ZFHX3: variants seen among roughly 807,000 people sequenced by gnomAD.
ZFHX3 encodes the protein zinc finger homeobox protein 3.
ZFHX3 carries 42 observed loss-of-function variants against 279.1 expected under a neutral mutation model. The observed-to-expected ratio is 0.15, with a 90% CI of 0.12 to 0.19. The LOEUF (loss-of-function observed/expected upper bound fraction) is 0.19, where lower values mean the gene tolerates loss of function less well. ZFHX3 is among the 10% of genes least tolerant of loss of function. The probability of loss-of-function intolerance (pLI) is 1.00; values close to 1 mark genes in which losing one functional copy is unlikely to be tolerated. For synonymous variants in ZFHX3, 2,293 were observed against 1,957.8 expected (o/e 1.17, Z -4.52); for missense variants, 4,981 against 4,754.0 (o/e 1.05, Z -1.40).
chr16:73,336,678 A>G (rs2015918857), intron 3 of ZFHX3, among the ~76,000 whole-genome samples: 1 of 152,036 alleles, frequency 6.6e-6, no homozygotes, highest in Non-Finnish European at 1.5e-5. Flanking sequence ...TGCTATGTGA[A>G]TAGTTCCGCG....
chr16:73,142,998 G>T (rs1966851499), intron 6 of ZFHX3, among the ~76,000 whole-genome samples: 1 of 152,158 alleles, frequency 6.6e-6, no homozygotes, highest in Admixed American at 6.5e-5. Flanking sequence ...TTCAGGTGGA[G>T]TTTTAGGTGG....
At chr16:73,330,422 G>C (rs147249354) in intron 3 of ZFHX3, among the ~76,000 whole-genome samples, 1 of 152,302 alleles carries the variant, frequency 6.6e-6, no homozygotes, top group Admixed American at 6.5e-5. Flanking sequence ...TGTGTTAGAG[G>C]ATCATGCAAA....
intron 1 of ZFHX3, among the ~76,000 whole-genome samples, chr16:73,787,116 G>A (rs1959672665): frequency 6.6e-6 from 1 of 152,130 alleles, no homozygotes; most frequent in Non-Finnish European, 1.5e-5. Context: ...GTAAGGCTTT[G>A]GGAGAGGGTA....
Position 73,224,541 on chromosome 16 carries a change from G to C in ZFHX3, c.-1104+32506C>G, listed in dbSNP as rs138210640. Among the ~76,000 whole-genome samples the C allele has an allele frequency of 7.5e-4, 114 of 152,286 alleles. 1 individual carries two copies. The East Asian group carries it at 0.017, about 23-fold the overall frequency. On this transcript the variant is annotated intron_variant, in intron 5 of 17. Coordinates refer to the ZFHX3 transcript ENST00000641206. Reference sequence around the variant, plus strand: ...GGAACACAAGCTAACATGTCTCAAAGGCTGTTTCTGAGTAAGTGCCTGGCA... The same window carrying C: ...GGAACACAAGCTAACATGTCTCAAACGCTGTTTCTGAGTAAGTGCCTGGCA...
chr16:72,952,040 T>C (rs1961025825), intron 2 of ZFHX3, among the ~76,000 whole-genome samples: 1 of 152,086 alleles, frequency 6.6e-6, no homozygotes, highest in Non-Finnish European at 1.5e-5. Flanking sequence ...CACCTGAGCT[T>C]AGGAGCTCAA....
At chr16:73,045,820 G>T (rs1039770088) in intron 1 of ZFHX3, among the ~76,000 whole-genome samples, 4 of 146,434 alleles carry the variant, frequency 2.7e-5, no homozygotes, top group Middle Eastern at 3.7e-3. Flanking sequence ...GGGGGTTGTT[G>T]AGAGAGGGAA....
chr16:72,963,077 G>A (rs1351569267), intron 1 of ZFHX3, among the ~76,000 whole-genome samples: 1 of 152,118 alleles, frequency 6.6e-6, no homozygotes, highest in Non-Finnish European at 1.5e-5. Flanking sequence ...CACTCTGTCT[G>A]TAAACACGGT....
intron 2 of ZFHX3, among the ~76,000 whole-genome samples, chr16:73,502,566 G>GATCT (rs2019257144): frequency 6.6e-6 from 1 of 152,192 alleles, no homozygotes; most frequent in Non-Finnish European, 1.5e-5. Flanking sequence ...GTGGCCTTCA[G>GATCT]ATCTACCCAG....
chr16:73,299,498 C>T (rs764465350), intron 4 of ZFHX3, among the ~76,000 whole-genome samples: 24 of 152,100 alleles, frequency 1.6e-4, no homozygotes, highest in Non-Finnish European at 2.5e-4. Context: ...TCGCTGCCAC[C>T]GCTGATTCTG....
intron 1 of ZFHX3, among the ~76,000 whole-genome samples, chr16:73,849,022 T>C (rs376760503): frequency 1.9e-4 from 29 of 152,362 alleles, no homozygotes; most frequent in African/African-American, 7.0e-4. Flanking sequence ...AGACACAGCA[T>C]TGTTCTTGTT....
At chr16:73,123,894 A>G (rs1966528753) in intron 7 of ZFHX3, among the ~76,000 whole-genome samples, 1 of 152,126 alleles carries the variant, frequency 6.6e-6, no homozygotes, top group Non-Finnish European at 1.5e-5. Context: ...GAGGAATGGG[A>G]CTTCATGAGA....
intron 5 of ZFHX3, among the ~76,000 whole-genome samples, chr16:72,819,469 C>T (rs4788478): frequency 0.013 from 2,032 of 152,330 alleles, 20 homozygotes; most frequent in Middle Eastern, 0.024. Context: ...ACACAGATCA[C>T]AGCCCCTGCC....
chr16:73,316,247 C>G (rs534685189), intron 4 of ZFHX3, among the ~76,000 whole-genome samples: 1 of 152,162 alleles, frequency 6.6e-6, no homozygotes, highest in Non-Finnish European at 1.5e-5. Flanking sequence ...TTGAGGAAAA[C>G]CAACCTGAAT....
At chr16:73,255,857 G>A (rs1241538140) in intron 5 of ZFHX3, among the ~76,000 whole-genome samples, 5 of 152,160 alleles carry the variant, frequency 3.3e-5, no homozygotes, top group Admixed American at 1.3e-4. Flanking sequence ...TCACAGCCCA[G>A]AGCTCTGAAC....
chr16:73,456,756 G>T (rs75682851), intron 2 of ZFHX3, among the ~76,000 whole-genome samples: 1 of 152,282 alleles, frequency 6.6e-6, no homozygotes, highest in Non-Finnish European at 1.5e-5. Flanking sequence ...CCTTCTATCG[G>T]GATGGAAAAG....
chr16:73,483,102 C>G (rs2018899577), intron 2 of ZFHX3, among the ~76,000 whole-genome samples: 1 of 152,144 alleles, frequency 6.6e-6, no homozygotes, highest in Non-Finnish European at 1.5e-5. Flanking sequence ...GAAAGTGAAA[C>G]ATCCCCTCCT....
intron 3 of ZFHX3, chr16:73,420,988 C>A (rs2017707664): frequency 6.6e-6 from 1 of 152,320 alleles, no homozygotes; most frequent in African/African-American, 2.4e-5. Flanking sequence ...TAAATTAACT[C>A]CATAACGTAG....
At chr16:72,992,807 G>C (rs1963144701) in intron 1 of ZFHX3, among the ~76,000 whole-genome samples, 1 of 152,220 alleles carries the variant, frequency 6.6e-6, no homozygotes, top group Non-Finnish European at 1.5e-5. Context: ...TCCAGCCGCG[G>C]AAGGAAGGCA....
rs1157134769 is a variant in ZFHX3, at chr16:72,958,935, C to G, written c.1211G>C (p.Gly404Ala). The G allele has an allele frequency of 1.9e-6, 3 of 1,598,704 alleles. No homozygotes were observed. In the African/African-American group the frequency reaches 4.0e-5, roughly 21 times the overall value. ...CTTCAGTACCGAGCTGGTGAGCCCG[C>G]CAAGGTTCAACAGGGTGCTGGGGGT... ...LLTPSTLLNL[G>A]GLTSSVLKTP... Residue 404 changes from glycine to alanine, a missense_variant, in exon 2 of 10, where the codon GGC becomes GCC. By Grantham distance (60) the Gly-to-Ala change is moderately conservative. Coordinates refer to ENST00000268489, the MANE Select transcript of ZFHX3 (RefSeq NM_006885.4).
Sources: allele counts gnomAD v4.1 joint callset (sites outside exome capture counted in the v4.1 genomes callset), GRCh38; gene constraint gnomAD v4.1.1; transcripts MANE v1.5; gene names NCBI Gene and HGNC (gene_info 2026-07-23, HGNC 2026-07-21).